Variants in LUZP2 observed in about 807,000 individuals in gnomAD.
The protein encoded by LUZP2 is leucine zipper protein 2.
A neutral mutation model predicts 51.6 loss-of-function variants in LUZP2; 52 were observed. The ratio of observed to expected loss-of-function variants is 1.01; its 90% CI spans 0.81 to 1.27. The LOEUF (loss-of-function observed/expected upper bound fraction) is 1.27. LUZP2 is among the 50% of genes most tolerant of loss of function. The pLI, the probability that LUZP2 is intolerant of heterozygous loss-of-function variation, is 0.00. For synonymous variants in LUZP2, 154 were observed against 137.3 expected (o/e 1.12, Z -0.85); for missense variants, 436 against 395.4 (o/e 1.10, Z -0.87).
At chr11:24,734,454 A>G (rs529128486) in intron 3 of LUZP2, among the ~76,000 whole-genome samples, 25 of 152,042 alleles carry the variant, frequency 1.6e-4, no homozygotes, top group African/African-American at 6.0e-4. Context: ...AGATGATAGA[A>G]CAAGTCTTTC....
intron 1 of LUZP2, among the ~76,000 whole-genome samples, chr11:24,689,883 T>C (rs1857016150): frequency 6.6e-6 from 1 of 152,162 alleles, no homozygotes; most frequent in African/African-American, 2.4e-5. Flanking sequence ...AGACAAATTC[T>C]TACTTCTCAA....
chr11:25,004,178 C>G (rs1218934431), intron 9 of LUZP2, among the ~76,000 whole-genome samples: 1 of 152,134 alleles, frequency 6.6e-6, no homozygotes, highest in Non-Finnish European at 1.5e-5. Flanking sequence ...GGGCTGCTGA[C>G]CCAGAGAAAC....
At position 24,802,460 on chromosome 11, in the gene LUZP2, GT is replaced by G. The variant is rs543693071; in HGVS notation, c.396+39162del. Among the ~76,000 whole-genome samples the G allele has an allele frequency of 2.5e-3, 367 of 147,448 alleles. 1 individual carries two copies. The highest frequency in any genetic ancestry group is 3.8e-3 in the African/African-American group (155 of 40,284). The stretch of plus-strand genomic sequence containing the variant: ...TGTTTTAACAGATATCACTGCCACT[GT>G]TTTTTTTTTAATTTAAAAAATTTGC... On this transcript the variant is annotated intron_variant, in intron 5 of 11. Coordinates refer to ENST00000336930, the MANE Select transcript of LUZP2 (RefSeq NM_001009909.4).
At position 24,911,145 on chromosome 11, in the gene LUZP2, G is replaced by A. The variant is rs1312689482; in HGVS notation, c.460-3331G>A. On this transcript the variant is annotated intron_variant, in intron 6 of 11. Coordinates refer to ENST00000336930, the MANE Select transcript of LUZP2 (RefSeq NM_001009909.4). ...TTTGGAATGGGTATATTTACCCAATGCCTGTACCCCCATTGTATCTGGGAA... is the reference window on the plus strand; with the variant it reads ...TTTGGAATGGGTATATTTACCCAATACCTGTACCCCCATTGTATCTGGGAA... Among the ~76,000 whole-genome samples the A allele has an allele frequency of 2.6e-5, 4 of 152,174 alleles. No homozygotes were observed. The East Asian group carries it at 5.8e-4, about 22-fold the overall frequency.
chr11:25,039,256 G>T (rs1857962475), intron 9 of LUZP2, among the ~76,000 whole-genome samples: 1 of 152,100 alleles, frequency 6.6e-6, no homozygotes, highest in Non-Finnish European at 1.5e-5. Context: ...GTGGATCCTT[G>T]GGGTTGGGTT....
chr11:24,603,084 G>A (rs893196191), intron 1 of LUZP2, among the ~76,000 whole-genome samples: 1 of 151,690 alleles, frequency 6.6e-6, no homozygotes, highest in African/African-American at 2.4e-5. Context: ...TACGGCTATG[G>A]CACATTCAGG....
chr11:24,759,354 A>G (rs577571074), intron 4 of LUZP2, among the ~76,000 whole-genome samples: 4 of 152,278 alleles, frequency 2.6e-5, no homozygotes, highest in African/African-American at 9.6e-5. Flanking sequence ...AGGAATGCTT[A>G]TTCTTTCATG....
chr11:24,597,320 G>A (rs1295760108), intron 1 of LUZP2, among the ~76,000 whole-genome samples: 1 of 152,264 alleles, frequency 6.6e-6, no homozygotes, highest in East Asian at 1.9e-4. Context: ...GGAATCTCCT[G>A]CACAGTAATG....
At chr11:24,648,222 A>G (rs1855520462) in intron 1 of LUZP2, among the ~76,000 whole-genome samples, 1 of 151,910 alleles carries the variant, frequency 6.6e-6, no homozygotes. Flanking sequence ...AATTTCTACT[A>G]TCGGCACATC....
chr11:24,525,980 C>T (rs776456857), intron 1 of LUZP2, among the ~76,000 whole-genome samples: 35 of 151,196 alleles, frequency 2.3e-4, no homozygotes, highest in Non-Finnish European at 4.4e-4. Context: ...TCTTATAATC[C>T]ATGATTTTAG....
chr11:25,033,599 CA>C (rs142315562), intron 9 of LUZP2, among the ~76,000 whole-genome samples: 1,735 of 152,158 alleles, frequency 0.011, 33 homozygotes, highest in African/African-American at 0.038. Flanking sequence ...CCAGTATCCA[CA>C]GTGTCTATAA....
chr11:25,052,978 T>C (rs1466337348), intron 10 of LUZP2, among the ~76,000 whole-genome samples: 1 of 152,192 alleles, frequency 6.6e-6, no homozygotes, highest in Non-Finnish European at 1.5e-5. Context: ...ATAGTAACTT[T>C]ATTCCTATTT....
intron 9 of LUZP2, among the ~76,000 whole-genome samples, chr11:25,002,072 G>T (rs1856698256): frequency 6.6e-6 from 1 of 152,212 alleles, no homozygotes; most frequent in Non-Finnish European, 1.5e-5. Context: ...CCATATTGCA[G>T]CATGGGCATG....
At chr11:24,674,618 A>G (rs945417006) in intron 1 of LUZP2, among the ~76,000 whole-genome samples, 1 of 152,194 alleles carries the variant, frequency 6.6e-6, no homozygotes, top group South Asian at 2.1e-4. Flanking sequence ...TATTTAAAGA[A>G]GGTCACATGC....
intron 7 of LUZP2, 49 bp from the exon 8 acceptor site, chr11:24,976,542 A>C: frequency 2.3e-6 from 3 of 1,283,002 alleles, no homozygotes; most frequent in Non-Finnish European, 2.2e-6. Context: ...CTTAAAGTAC[A>C]GAGGGAAATT....
chr11:24,839,724 C>A (rs1450365742), intron 5 of LUZP2, among the ~76,000 whole-genome samples: 1 of 151,574 alleles, frequency 6.6e-6, no homozygotes, highest in African/African-American at 2.4e-5. Flanking sequence ...AGTTAAGATA[C>A]AGAACACTCT....
intron 5 of LUZP2, among the ~76,000 whole-genome samples, chr11:24,768,549 A>C (rs1860280955): frequency 6.6e-6 from 1 of 152,242 alleles, no homozygotes; most frequent in South Asian, 2.1e-4. Flanking sequence ...AAGAAACTCA[A>C]GCAATTAAGT....
At chr11:24,625,392 G>GA (rs1854642416) in intron 1 of LUZP2, among the ~76,000 whole-genome samples, 4 of 148,582 alleles carry the variant, frequency 2.7e-5, no homozygotes, top group Admixed American at 2.0e-4. Context: ...AGGAAGGTAG[G>GA]AAAAAAAAGC....
At chr11:24,939,043 A>G (rs1854670605) in intron 7 of LUZP2, among the ~76,000 whole-genome samples, 1 of 151,958 alleles carries the variant, frequency 6.6e-6, no homozygotes, top group African/African-American at 2.4e-5. Flanking sequence ...GATTAATCAG[A>G]TTTGAAAGGA....
Sources: gnomAD v4.1 joint callset for allele counts (sites outside exome capture counted in the v4.1 genomes callset) on GRCh38, gnomAD v4.1.1 for gene constraint, MANE v1.5 for transcripts, NCBI Gene and HGNC (gene_info 2026-07-23, HGNC 2026-07-21) for gene names.